Variants in HORMAD2 observed in about 807,000 individuals in gnomAD.
HORMAD2 encodes HORMA domain containing 2.
In HORMAD2, 45 loss-of-function variants were observed where a neutral mutation model predicts 38.8. The ratio of observed to expected loss-of-function variants is 1.16; its 90% CI spans 0.91 to 1.49. HORMAD2 has a LOEUF of 1.49. Among genes scored for constraint, HORMAD2 ranks in the 40% most tolerant of loss-of-function variants. The pLI, the probability that HORMAD2 is intolerant of heterozygous loss-of-function variation, is 0.00. For synonymous variants in HORMAD2, 126 were observed against 122.8 expected (o/e 1.03, Z -0.17); for missense variants, 338 against 367.0 (o/e 0.92, Z 0.65).
chr22:30,195,068 C>T, the HORMAD2 span, among the ~76,000 whole-genome samples: 1 of 151,848 alleles, frequency 6.6e-6, no homozygotes, highest in East Asian at 1.9e-4. Context: ...TGGCACGTGC[C>T]TGTAGTCCCA....
chr22:30,161,576 A>G (rs1925443124), intron 10 of HORMAD2, among the ~76,000 whole-genome samples: 1 of 152,206 alleles, frequency 6.6e-6, no homozygotes, highest in Non-Finnish European at 1.5e-5. Context: ...TATTTAATGT[A>G]TCCACCTTTA....
intron 10 of HORMAD2, among the ~76,000 whole-genome samples, chr22:30,125,211 C>CTTTTTTTT (rs1569099734): frequency 2.1e-5 from 1 of 46,586 alleles, no homozygotes; most frequent in Non-Finnish European, 4.2e-5. Context: ...CTTTCTTTTT[C>CTTTTTTTT]TTTTCTTTTT....
intron 1 of HORMAD2, among the ~76,000 whole-genome samples, chr22:30,093,644 A>G (rs2068730799): frequency 6.6e-6 from 1 of 152,182 alleles, no homozygotes; most frequent in African/African-American, 2.4e-5. Flanking sequence ...TGGAAAATTA[A>G]CAATAGGTAC....
At chr22:30,107,890 A>G (rs1020862871) in intron 5 of HORMAD2, among the ~76,000 whole-genome samples, 2 of 145,998 alleles carry the variant, frequency 1.4e-5, no homozygotes, top group African/African-American at 2.6e-5. Flanking sequence ...TTTTTTTGAG[A>G]CGGAGTCTCG....
rs374563769 is a variant in HORMAD2, at chr22:30,158,058, C to T, written c.820-18005C>T. Among the ~76,000 whole-genome samples the T allele has an allele frequency of 1.3e-3, 189 of 150,630 alleles. 4 individuals are homozygous for T. In the South Asian group the frequency reaches 0.038, roughly 30 times the overall value. On this transcript the variant is annotated intron_variant, in intron 10 of 10. Transcript: ENST00000336726. Reference sequence around the variant, plus strand: ...TAGATTTAATTCTTAAGTGTATAAACACTCTCCTAGAGTAGGGCAAAGAAA... The same window carrying T: ...TAGATTTAATTCTTAAGTGTATAAATACTCTCCTAGAGTAGGGCAAAGAAA...
chr22:30,198,059 T>C, the HORMAD2 span, among the ~76,000 whole-genome samples: 1 of 151,904 alleles, frequency 6.6e-6, no homozygotes, highest in South Asian at 2.1e-4. Context: ...TGGTGCACAC[T>C]GGTAATCCCA....
At chr22:30,185,486 T>G in the HORMAD2 span, among the ~76,000 whole-genome samples, 1 of 152,236 alleles carries the variant, frequency 6.6e-6, no homozygotes, top group Non-Finnish European at 1.5e-5. Context: ...GATGATACAA[T>G]GTGTAGAGAG....
intron 3 of HORMAD2, among the ~76,000 whole-genome samples, chr22:30,101,271 A>G (rs996290947): frequency 6.6e-6 from 1 of 152,188 alleles, no homozygotes; most frequent in Non-Finnish European, 1.5e-5. Context: ...TAATTAGTTC[A>G]TGTCCTTTGT....
chr22:30,184,384 G>A, the HORMAD2 span, among the ~76,000 whole-genome samples: 140,412 of 152,304 alleles, frequency 0.92, 64,801 homozygotes, highest in East Asian at 1. Flanking sequence ...GACTATGAGA[G>A]ACAGAACAGT....
At chr22:30,189,601 G>T in the HORMAD2 span, among the ~76,000 whole-genome samples, 1 of 152,028 alleles carries the variant, frequency 6.6e-6, no homozygotes, top group Admixed American at 6.5e-5. Context: ...TGATCTGAGT[G>T]CACCTGTACC....
intron 10 of HORMAD2, among the ~76,000 whole-genome samples, chr22:30,131,414 C>A (rs1183985383): frequency 6.6e-6 from 1 of 152,132 alleles, no homozygotes; most frequent in Non-Finnish European, 1.5e-5. Context: ...TGTCTTTATA[C>A]CTCCAAATAC....
intron 6 of HORMAD2, 52 bp from the exon 7 acceptor site, chr22:30,112,439 TGAGGA>T (rs1921736436): frequency 1.2e-6 from 1 of 818,314 alleles, no homozygotes; most frequent in South Asian, 1.6e-5. Flanking sequence ...AGGTATTTGA[TGAGGA>T]GTAATCTAGT....
chr22:30,184,559 T>C, the HORMAD2 span: 4 of 150,168 alleles, frequency 2.7e-5, no homozygotes, highest in Non-Finnish European at 4.4e-5. Context: ...AATGTTTTGG[T>C]TTTTTTTTAA....
chr22:30,121,864 G>C, intron 9 of HORMAD2, 75 bp downstream of exon 9: 1 of 1,541,986 alleles, frequency 6.5e-7, no homozygotes, highest in Non-Finnish European at 8.7e-7. Context: ...GGATTTTGCA[G>C]GCATCTGAAA....
intron 7 of HORMAD2, among the ~76,000 whole-genome samples, chr22:30,118,297 C>T (rs1922198347): frequency 6.6e-6 from 1 of 152,072 alleles, no homozygotes; most frequent in Non-Finnish European, 1.5e-5. Flanking sequence ...AGGCATCCCT[C>T]CCCACTTCAG....
chr22:30,140,277 A>G (rs981000622), intron 10 of HORMAD2, among the ~76,000 whole-genome samples: 3 of 124,014 alleles, frequency 2.4e-5, no homozygotes, highest in African/African-American at 5.7e-5. Flanking sequence ...AATAAAAAAG[A>G]AAAAGTGTGC....
downstream of HORMAD2, among the ~76,000 whole-genome samples, chr22:30,181,929 A>T (rs1314068315): frequency 6.6e-6 from 1 of 152,248 alleles, no homozygotes; most frequent in Non-Finnish European, 1.5e-5. Context: ...CAAGATGTCC[A>T]TTCGGATAAG....
chr22:30,185,237 C>G, the HORMAD2 span, among the ~76,000 whole-genome samples: 1 of 152,166 alleles, frequency 6.6e-6, no homozygotes, highest in Non-Finnish European at 1.5e-5. Flanking sequence ...ATCCCAGGAA[C>G]CAGGAGAGCC....
intron 10 of HORMAD2, among the ~76,000 whole-genome samples, chr22:30,147,239 G>A (rs951632151): frequency 2.6e-5 from 4 of 152,092 alleles, no homozygotes; most frequent in Non-Finnish European, 4.4e-5. Context: ...AGAACAAGGA[G>A]AACTTTATCA....
Sources: gnomAD v4.1 joint callset for allele counts (sites outside exome capture counted in the v4.1 genomes callset) on GRCh38, gnomAD v4.1.1 for gene constraint, MANE v1.5 for transcripts, NCBI Gene and HGNC (gene_info 2026-07-23, HGNC 2026-07-21) for gene names.